Variants in CCND3 observed in about 807,000 individuals in gnomAD.
CCND3 encodes the protein cyclin D3.
CCND3 carries 9 observed loss-of-function variants against 28.7 expected under a neutral mutation model. The observed-to-expected ratio is 0.31, with a 90% CI of 0.19 to 0.55. The LOEUF (loss-of-function observed/expected upper bound fraction) is 0.55, where lower values mean the gene tolerates loss of function less well. Ranked by LOEUF, CCND3 falls within the 20% of genes least tolerant of loss-of-function variation. The pLI is 0.93. For missense variants in CCND3, 315 were observed against 385.8 expected (o/e 0.82, Z 1.54); for synonymous variants, 164 against 163.9 (o/e 1.00, Z 0.00).
chr6:41,957,300 T>C (rs1776463085), intron 1 of CCND3, among the ~76,000 whole-genome samples: 1 of 152,196 alleles, frequency 6.6e-6, no homozygotes, highest in Non-Finnish European at 1.5e-5. Context: ...CTTATCAGGT[T>C]AAATTTAAAA....
intron 1 of CCND3, among the ~76,000 whole-genome samples, chr6:41,989,032 C>T (rs938847237): frequency 6.6e-6 from 1 of 151,992 alleles, no homozygotes; most frequent in African/African-American, 2.4e-5. Context: ...TTAAAACCTC[C>T]GCTCCACAAA....
At chr6:42,022,849 G>T (rs1441957336) in intron 1 of CCND3, among the ~76,000 whole-genome samples, 1 of 152,220 alleles carries the variant, frequency 6.6e-6, no homozygotes, top group Non-Finnish European at 1.5e-5. Flanking sequence ...GAGAGAGATG[G>T]GAGAGTCAAC....
rs145920031 is a variant in CCND3 at position 41,936,226 on chromosome 6, G to C, written c.712-119C>G. On this transcript the variant is annotated intron_variant, in intron 4 of 4. Transcript: ENST00000372991. This position sits in a 1 kb window ranked among gnomAD's most constrained non-coding sequence, Gnocchi z 4.4. The stretch of plus-strand genomic sequence containing the variant: ...GTCTGGGGAGGTTAGGCCACAGCCC[G>C]GCCCCAGGAATCGCTCTTTAGTTCT... The C allele has an allele frequency of 7.1e-6, 8 of 1,121,416 alleles. No homozygotes were observed. Among genetic ancestry groups the C allele is most frequent in the Admixed American group, 5.1e-5 (2 of 39,436 alleles). The allele number at this position is 1,121,416 out of a possible 1,614,324, so 69.5% of individuals were successfully genotyped here.
chr6:42,035,190 G>A (rs955266309), intron 1 of CCND3, among the ~76,000 whole-genome samples: 1 of 152,172 alleles, frequency 6.6e-6, no homozygotes, highest in African/African-American at 2.4e-5. Flanking sequence ...AAACTACAGC[G>A]CAGGGCAACC....
intron 1 of CCND3, among the ~76,000 whole-genome samples, chr6:42,044,953 TAACG>T (rs1237683205): frequency 9.7e-6 from 1 of 103,614 alleles, no homozygotes; most frequent in Non-Finnish European, 1.9e-5. Flanking sequence ...CACGCCCGGC[TAACG>T]TTTTTTTTTT....
chr6:42,014,231 G>A (rs1234135427), intron 1 of CCND3, among the ~76,000 whole-genome samples: 3 of 151,950 alleles, frequency 2.0e-5, no homozygotes, highest in South Asian at 2.1e-4. Flanking sequence ...GCCGGGCGAA[G>A]TGGTGGGCGC....
intron 1 of CCND3, among the ~76,000 whole-genome samples, chr6:42,013,068 A>G (rs1763387150): frequency 6.6e-6 from 1 of 152,100 alleles, no homozygotes; most frequent in South Asian, 2.1e-4. Context: ...TTGCCTGTTT[A>G]GGGGCAATAC....
intron 1 of CCND3, among the ~76,000 whole-genome samples, chr6:42,011,576 G>C (rs185041132): frequency 2.0e-5 from 3 of 152,154 alleles, no homozygotes; most frequent in African/African-American, 7.2e-5. Flanking sequence ...GAGAAACTCA[G>C]GCATGGTGTG....
chr6:41,948,642 G>A (rs1286032568), intron 1 of CCND3, among the ~76,000 whole-genome samples: 4 of 151,882 alleles, frequency 2.6e-5, no homozygotes, highest in Admixed American at 6.6e-5. Flanking sequence ...TTCAAGACCA[G>A]CCTGGCCAAC....
intron 1 of CCND3, among the ~76,000 whole-genome samples, chr6:41,961,132 C>T (rs1368191300): frequency 6.6e-6 from 1 of 152,218 alleles, no homozygotes; most frequent in Non-Finnish European, 1.5e-5. Context: ...GATGTGGGGA[C>T]ATCGGATGCT....
At chr6:42,001,094 A>G (rs1307917284) in intron 1 of CCND3, among the ~76,000 whole-genome samples, 1 of 151,558 alleles carries the variant, frequency 6.6e-6, no homozygotes, top group Non-Finnish European at 1.5e-5. Flanking sequence ...AAATTTAGCC[A>G]GGCATGGTGG....
intron 1 of CCND3, among the ~76,000 whole-genome samples, chr6:42,015,427 A>G (rs995310893): frequency 9.9e-5 from 15 of 152,260 alleles, no homozygotes; most frequent in African/African-American, 3.6e-4. Flanking sequence ...AAAAAAAGTT[A>G]TGGCCAGGCA....
At chr6:42,045,805 G>A (rs954588055) in intron 1 of CCND3, among the ~76,000 whole-genome samples, 2 of 152,232 alleles carry the variant, frequency 1.3e-5, no homozygotes, top group African/African-American at 4.8e-5. Context: ...AGGGGCCCCA[G>A]AACTTTCCCC....
At chr6:42,035,197 A>G (rs1764168756) in intron 1 of CCND3, among the ~76,000 whole-genome samples, 1 of 152,210 alleles carries the variant, frequency 6.6e-6, no homozygotes, top group Admixed American at 6.5e-5. Context: ...AGCGCAGGGC[A>G]ACCTACTCCC....
At chr6:42,011,283 T>C (rs1311810225) in intron 1 of CCND3, among the ~76,000 whole-genome samples, 1 of 152,116 alleles carries the variant, frequency 6.6e-6, no homozygotes, top group Non-Finnish European at 1.5e-5. Flanking sequence ...CCACCATGCC[T>C]GGCTAATTTT....
chr6:42,019,032 C>T (rs1444698102), intron 1 of CCND3, among the ~76,000 whole-genome samples: 1 of 151,862 alleles, frequency 6.6e-6, no homozygotes, highest in Non-Finnish European at 1.5e-5. Context: ...CTAAAATACA[C>T]AAATTAGATA....
At chr6:42,020,192 T>C (rs1465201440) in intron 1 of CCND3, among the ~76,000 whole-genome samples, 1 of 151,790 alleles carries the variant, frequency 6.6e-6, no homozygotes. Context: ...GGCAGGAGAA[T>C]GGCACGAACC....
intron 1 of CCND3, among the ~76,000 whole-genome samples, chr6:42,005,977 C>T (rs1763163483): frequency 6.6e-6 from 1 of 151,778 alleles, no homozygotes; most frequent in South Asian, 2.1e-4. Context: ...CAACCGCGCC[C>T]AGCCTGAGAC....
At chr6:41,971,550 C>T (rs1042046571) in intron 1 of CCND3, among the ~76,000 whole-genome samples, 2 of 147,700 alleles carry the variant, frequency 1.4e-5, no homozygotes, top group Non-Finnish European at 3.0e-5. Flanking sequence ...AACCCAGGTT[C>T]TTTTTTTTTT....
Sources: gnomAD v4.1 joint callset for allele counts (sites outside exome capture counted in the v4.1 genomes callset) on GRCh38, gnomAD v4.1.1 for gene constraint, Gnocchi (gnomAD v3.1) non-coding constraint, MANE v1.5 for transcripts, NCBI Gene and HGNC (gene_info 2026-07-23, HGNC 2026-07-21) for gene names.